KIAA0319: variants seen among roughly 807,000 people sequenced by gnomAD.
The protein encoded by KIAA0319 is dyslexia-associated protein KIAA0319.
A neutral mutation model predicts 108.4 loss-of-function variants in KIAA0319; 83 were observed. The observed-to-expected ratio is 0.77, with a 90% CI of 0.64 to 0.92. The LOEUF (loss-of-function observed/expected upper bound fraction) is 0.92, where lower values mean the gene tolerates loss of function less well. Ranked by LOEUF, KIAA0319 falls within the 40% of genes least tolerant of loss-of-function variation. The probability of loss-of-function intolerance (pLI) is 0.00; values close to 1 mark genes in which losing one functional copy is unlikely to be tolerated. For synonymous variants in KIAA0319, 484 were observed against 510.4 expected, an observed-to-expected ratio of 0.95 and a Z score of 0.70; for missense variants, 1,195 against 1,322.4, an observed-to-expected ratio of 0.90 and a Z score of 1.49.
chr6:24,642,156 AG>A (rs1338792434), intron 1 of KIAA0319, among the ~76,000 whole-genome samples: 6 of 65,842 alleles, frequency 9.1e-5, no homozygotes, highest in Non-Finnish European at 1.7e-4. Context: ...GGAAGGAGGG[AG>A]GGAGGGAGGG....
chr6:24,605,359 G>A (rs1771252425), intron 1 of KIAA0319, among the ~76,000 whole-genome samples: 1 of 152,132 alleles, frequency 6.6e-6, no homozygotes, highest in Non-Finnish European at 1.5e-5. Context: ...GTTCTGTGAA[G>A]TTCATCCATT....
chr6:24,553,278 T>G (rs1224817642), intron 19 of KIAA0319, among the ~76,000 whole-genome samples: 65 of 72,494 alleles, frequency 9.0e-4, no homozygotes, highest in East Asian at 4.7e-3. Context: ...GAGATAGATA[T>G]ATATATATAT....
At chr6:24,631,134 G>A (rs1379191233) in intron 1 of KIAA0319, among the ~76,000 whole-genome samples, 1 of 152,244 alleles carries the variant, frequency 6.6e-6, no homozygotes, top group Non-Finnish European at 1.5e-5. Flanking sequence ...AAAAGATGCA[G>A]CCATAATATA....
chr6:24,605,749 CT>C (rs1324831716), intron 1 of KIAA0319, among the ~76,000 whole-genome samples: 1 of 151,968 alleles, frequency 6.6e-6, no homozygotes, highest in Non-Finnish European at 1.5e-5. Flanking sequence ...ATAATATATG[CT>C]TTTTTTCTTT....
rs1217806727 is a variant in KIAA0319, at chr6:24,569,981, G to A, written c.1913C>T (p.Pro638Leu). 3 of 1,614,084 alleles carry A rather than the reference G, an allele frequency of 1.9e-6. No homozygotes were observed. The highest frequency in any genetic ancestry group is 2.5e-6 in the Non-Finnish European group (3 of 1,179,926). The change falls in exon 12 of 21, where the codon CCA becomes CTA. Residue 638 changes from proline to leucine, a missense_variant. By Grantham distance (98) the Pro-to-Leu change is moderately conservative (BLOSUM62 -3). Transcript: ENST00000378214. Reference protein sequence around the residue: ...VAGPDKELIFPVESATLDGSS... With the variant: ...VAGPDKELIFLVESATLDGSS... ...CCCATCCAGGGTAGCACTTTCCACT[G>A]GGAAGATCAGCTCTTTATCAGGGCC...
intron 13 of KIAA0319, among the ~76,000 whole-genome samples, chr6:24,567,712 T>TA (rs1297987549): frequency 6.6e-6 from 1 of 151,938 alleles, no homozygotes; most frequent in South Asian, 2.1e-4. Context: ...ATTTTAAAAA[T>TA]AAAAAAATGA....
At chr6:24,555,266 C>T (rs1219418780) in intron 18 of KIAA0319, among the ~76,000 whole-genome samples, 1 of 152,048 alleles carries the variant, frequency 6.6e-6, no homozygotes, top group Non-Finnish European at 1.5e-5. Flanking sequence ...GGAGGCCGAA[C>T]GGGGCAGATG....
chr6:24,590,446 G>A (rs940316075), intron 3 of KIAA0319, among the ~76,000 whole-genome samples: 6 of 152,282 alleles, frequency 3.9e-5, no homozygotes, highest in African/African-American at 1.4e-4. Flanking sequence ...AGGCATCTGG[G>A]TTTGTGAAGT....
Position 24,572,704 on chromosome 6 carries a change from T to G in KIAA0319, c.1735-6A>C, listed in dbSNP as rs764114131. 6.3e-7 allele frequency: 1 copy of G among 1,591,800 alleles called. No homozygotes were observed. The highest frequency in any genetic ancestry group is 1.9e-5 in the Admixed American group (1 of 53,300). On this transcript the variant is annotated splice_polypyrimidine_tract_variant and splice_region_variant and intron_variant, in intron 10 of 20. Transcript: ENST00000378214. ...AGGTATGGCGTCTGTACTCCCTAAG[T>G]AATAGCAAATACAAAAATAAAAACA...
chr6:24,627,611 G>A (rs1774897772), intron 1 of KIAA0319, among the ~76,000 whole-genome samples: 1 of 152,150 alleles, frequency 6.6e-6, no homozygotes, highest in South Asian at 2.1e-4. Context: ...GGCCTACCTA[G>A]GTCATGAGCT....
At chr6:24,634,170 G>T (rs558382216) in intron 1 of KIAA0319, among the ~76,000 whole-genome samples, 1 of 152,304 alleles carries the variant, frequency 6.6e-6, no homozygotes, top group Non-Finnish European at 1.5e-5. Context: ...CTAAATGTTA[G>T]GAATACAGAG....
chr6:24,612,881 C>G (rs1772554982), intron 1 of KIAA0319, among the ~76,000 whole-genome samples: 1 of 152,118 alleles, frequency 6.6e-6, no homozygotes, highest in African/African-American at 2.4e-5. Context: ...TCAATGCAAG[C>G]TCCGCCTCCC....
chr6:24,605,266 G>A (rs1771233982), intron 1 of KIAA0319, among the ~76,000 whole-genome samples: 1 of 152,192 alleles, frequency 6.6e-6, no homozygotes, highest in African/African-American at 2.4e-5. Context: ...CATTTTACAG[G>A]AAAAGATGCT....
chr6:24,553,340 C>CAT (rs71542684), intron 19 of KIAA0319, among the ~76,000 whole-genome samples: 72,255 of 125,928 alleles, frequency 0.57, 21,103 homozygotes, highest in Middle Eastern at 0.66. Context: ...CACACACGCA[C>CAT]ATATATATAT....
intron 1 of KIAA0319, among the ~76,000 whole-genome samples, chr6:24,622,396 C>A (rs551847271): frequency 6.9e-6 from 1 of 145,396 alleles, no homozygotes; most frequent in Non-Finnish European, 1.5e-5. Flanking sequence ...CAAAGAAAAA[C>A]TTTAAACCAC....
rs965153464 is a variant in KIAA0319, at chr6:24,545,948, A to C, written c.*1217T>G. 6.6e-6 allele frequency: 1 copy of C among 152,262 alleles called. No individual in the cohort carries two copies. 9.4% of individuals were successfully genotyped at this position (152,262 alleles called of 1,614,324 possible). ...TTCTAATCTTCCCACAAAAAATGCCAAGGGCACCACCAAGGCCACCAGCCT... is the reference window on the plus strand; with the variant it reads ...TTCTAATCTTCCCACAAAAAATGCCCAGGGCACCACCAAGGCCACCAGCCT... On this transcript the variant is annotated 3_prime_UTR_variant, in exon 21 of 21. Transcript: ENST00000378214.
At chr6:24,639,156 C>T (rs930790355) in intron 1 of KIAA0319, among the ~76,000 whole-genome samples, 2 of 152,092 alleles carry the variant, frequency 1.3e-5, no homozygotes, top group Admixed American at 6.6e-5. Flanking sequence ...AAAAAAAAAT[C>T]CTTATATCCA....
At chr6:24,548,027 T>C (rs1760882031) in intron 20 of KIAA0319, among the ~76,000 whole-genome samples, 1 of 152,028 alleles carries the variant, frequency 6.6e-6, no homozygotes, top group South Asian at 2.1e-4. Flanking sequence ...AGCAAGACCC[T>C]GTCTCGGGAA....
chr6:24,637,276 A>G (rs1776322648), intron 1 of KIAA0319, among the ~76,000 whole-genome samples: 1 of 152,184 alleles, frequency 6.6e-6, no homozygotes, highest in South Asian at 2.1e-4. Flanking sequence ...TTATTATGAG[A>G]GTGTTTTGAG....
Sources: gnomAD v4.1 joint callset for allele counts (sites outside exome capture counted in the v4.1 genomes callset) on GRCh38, gnomAD v4.1.1 for gene constraint, MANE v1.5 for transcripts, NCBI Gene and HGNC (gene_info 2026-07-23, HGNC 2026-07-21) for gene names.